GABRB3: variants seen among roughly 807,000 people sequenced by gnomAD.
GABRB3 encodes the protein gamma-aminobutyric acid receptor subunit beta-3.
A neutral mutation model predicts 52.1 loss-of-function variants in GABRB3; 14 were observed. The observed-to-expected ratio is 0.27, with a 90% CI of 0.18 to 0.42. The LOEUF is 0.42. GABRB3 is among the 10% of genes least tolerant of loss of function. The pLI, the probability that GABRB3 is intolerant of heterozygous loss-of-function variation, is 1.00. For synonymous variants in GABRB3, 260 were observed against 232.3 expected, an observed-to-expected ratio of 1.12 and a Z score of -1.08; for missense variants, 307 against 609.1, an observed-to-expected ratio of 0.50 and a Z score of 5.22.
chr15:26,556,694 A>C (rs1016068663), intron 8 of GABRB3, among the ~76,000 whole-genome samples: 8 of 103,416 alleles, frequency 7.7e-5, no homozygotes, highest in African/African-American at 2.1e-4. Context: ...AGCATTCATG[A>C]ATCAATTATT....
At chr15:26,668,299 T>A (rs1275631369) in intron 3 of GABRB3, among the ~76,000 whole-genome samples, 1 of 152,206 alleles carries the variant, frequency 6.6e-6, no homozygotes, top group East Asian at 1.9e-4. Flanking sequence ...GTTAGCTATT[T>A]TAGTGCTAAT....
intron 3 of GABRB3, among the ~76,000 whole-genome samples, chr15:26,697,612 A>G (rs1436275398): frequency 2.6e-5 from 4 of 152,144 alleles, no homozygotes; most frequent in African/African-American, 4.8e-5. Flanking sequence ...ATTCACCCTT[A>G]AATGCTGCTT....
chr15:26,634,885 G>A (rs573118534), intron 3 of GABRB3, among the ~76,000 whole-genome samples: 1 of 135,362 alleles, frequency 7.4e-6, no homozygotes, highest in Non-Finnish European at 1.6e-5. Flanking sequence ...TTTATAGAGA[G>A]AAAAAACTTT....
intron 4 of GABRB3, among the ~76,000 whole-genome samples, chr15:26,599,096 G>A (rs892777111): frequency 6.6e-5 from 10 of 152,140 alleles, no homozygotes; most frequent in Admixed American, 2.0e-4. Context: ...AAAAGCCTGC[G>A]CAATGACCTT....
chr15:26,584,419 C>T (rs185767008), intron 4 of GABRB3, among the ~76,000 whole-genome samples: 10 of 152,228 alleles, frequency 6.6e-5, no homozygotes, highest in Admixed American at 2.0e-4. Context: ...CTAAACCTCA[C>T]CTCTGCTTCT....
At position 26,770,774 on chromosome 15, in the gene GABRB3, C is replaced by T. The variant is rs142970760; in HGVS notation, c.240+1628G>A. On this transcript the variant is annotated intron_variant, in intron 3 of 8. Coordinates refer to ENST00000311550, the MANE Select transcript of GABRB3 (RefSeq NM_000814.6). Reference sequence around the variant, plus strand: ...TCTTCTCTAGAGAATGTGAAGTCCCCAGTTGAGAAAATCACAGATCACACA... The same window carrying T: ...TCTTCTCTAGAGAATGTGAAGTCCCTAGTTGAGAAAATCACAGATCACACA... Among the ~76,000 whole-genome samples the T allele has an allele frequency of 6.5e-3, 992 of 152,306 alleles. 8 individuals carry two copies. Among genetic ancestry groups the T allele is most frequent in the African/African-American group, 0.023 (937 of 41,564 alleles).
chr15:26,667,367 C>G (rs997016060), intron 3 of GABRB3, among the ~76,000 whole-genome samples: 1 of 152,086 alleles, frequency 6.6e-6, no homozygotes, highest in African/African-American at 2.4e-5. Context: ...CATTTTCATC[C>G]GCCCCCTTTC....
At chr15:26,719,273 T>A (rs911247050) in intron 3 of GABRB3, among the ~76,000 whole-genome samples, 2 of 152,230 alleles carry the variant, frequency 1.3e-5, no homozygotes, top group South Asian at 2.1e-4. Context: ...GGAACGACCC[T>A]GCTCAGCACG....
intron 3 of GABRB3, among the ~76,000 whole-genome samples, chr15:26,643,365 G>C (rs893881264): frequency 2.0e-5 from 3 of 152,142 alleles, no homozygotes; most frequent in African/African-American, 7.2e-5. Context: ...CCTCAGAGAT[G>C]GCACAGCCCA....
chr15:26,734,894 C>A (rs759004333), intron 3 of GABRB3, among the ~76,000 whole-genome samples: 4 of 152,012 alleles, frequency 2.6e-5, no homozygotes, highest in Non-Finnish European at 4.4e-5. Context: ...CCAGCCTGTA[C>A]GACACAGCAA....
intron 3 of GABRB3, among the ~76,000 whole-genome samples, chr15:26,647,078 C>T (rs1241053095): frequency 6.6e-6 from 1 of 152,120 alleles, no homozygotes; most frequent in African/African-American, 2.4e-5. Flanking sequence ...CTCTTGACCT[C>T]GTGATCCACC....
chr15:26,683,931 C>G (rs547137607), intron 3 of GABRB3, among the ~76,000 whole-genome samples: 3 of 152,146 alleles, frequency 2.0e-5, no homozygotes, highest in Admixed American at 2.0e-4. Context: ...AGGAGGAGGG[C>G]ACAAATCCAC....
chr15:26,746,998 A>G (rs1198798010), intron 3 of GABRB3, among the ~76,000 whole-genome samples: 2 of 130,156 alleles, frequency 1.5e-5, no homozygotes, highest in African/African-American at 5.3e-5. Flanking sequence ...AAATAAATAA[A>G]CAAACAAACA....
In GABRB3 at chr15:26,554,190, A is replaced by ATAT. The variant is rs1567097853; in HGVS notation, c.1081-6057_1081-6056insATA. On this transcript the variant is annotated intron_variant, in intron 8 of 8. Transcript: ENST00000311550. ...ATATATATAAAGTATATATATATAT[A>ATAT]CTATATATATATATATATAGTAGAA... is the stretch of plus-strand genomic sequence containing the variant. Among the ~76,000 whole-genome samples, 257 of 31,490 alleles carry ATAT rather than the reference A, an allele frequency of 8.2e-3. 18 individuals carry two copies. The highest frequency in any genetic ancestry group is 0.011 in the Non-Finnish European group (168 of 15,682). The allele number at this position is 31,490 out of a possible 152,430, so 20.7% of individuals were successfully genotyped here.
chr15:26,735,430 G>T (rs1299981207), intron 3 of GABRB3, among the ~76,000 whole-genome samples: 2 of 152,084 alleles, frequency 1.3e-5, no homozygotes, highest in Admixed American at 1.3e-4. Flanking sequence ...CCACCCAAAA[G>T]AATCGGAAGC....
intron 3 of GABRB3, among the ~76,000 whole-genome samples, chr15:26,644,016 G>C (rs577873288): frequency 1.3e-5 from 2 of 152,262 alleles, no homozygotes; most frequent in South Asian, 4.1e-4. Context: ...GAGTTGGGCA[G>C]CGATGACTGA....
At chr15:26,708,530 C>T (rs1051948236) in intron 3 of GABRB3, among the ~76,000 whole-genome samples, 4 of 152,124 alleles carry the variant, frequency 2.6e-5, no homozygotes, top group Non-Finnish European at 5.9e-5. Context: ...GGTACTAGGG[C>T]ACTGCATGAG....
chr15:26,619,566 C>T (rs1446687159), intron 4 of GABRB3, among the ~76,000 whole-genome samples: 3 of 150,164 alleles, frequency 2.0e-5, no homozygotes, highest in Non-Finnish European at 4.4e-5. Context: ...ATACCTAATG[C>T]TAGATGACGA....
intron 8 of GABRB3, among the ~76,000 whole-genome samples, chr15:26,555,423 A>C (rs2140665860): frequency 6.6e-6 from 1 of 152,216 alleles, no homozygotes; most frequent in East Asian, 1.9e-4. Flanking sequence ...TTAGATACAA[A>C]TCTGTATGAA....
Sources: gnomAD v4.1 joint callset for allele counts (sites outside exome capture counted in the v4.1 genomes callset) on GRCh38, gnomAD v4.1.1 for gene constraint, MANE v1.5 for transcripts, NCBI Gene and HGNC (gene_info 2026-07-23, HGNC 2026-07-21) for gene names.